ZNF730: variants seen among roughly 807,000 people sequenced by gnomAD.
ZNF730 encodes the protein putative zinc finger protein 730.
Under a neutral mutation model 12.6 loss-of-function variants are expected in ZNF730, and 12 were observed. The ratio of observed to expected loss-of-function variants is 0.95; its 90% CI spans 0.61 to 1.54. The LOEUF is 1.54. ZNF730 is among the 40% of genes most tolerant of loss of function. The probability of loss-of-function intolerance (pLI) is 0.00; values close to 1 mark genes in which losing one functional copy is unlikely to be tolerated. For synonymous variants in ZNF730, 194 were observed against 195.8 expected, an observed-to-expected ratio of 0.99 and a Z score of 0.08; for missense variants, 643 against 583.5, an observed-to-expected ratio of 1.10 and a Z score of -1.05.
upstream of ZNF730, among the ~76,000 whole-genome samples, chr19:23,112,937 C>G (rs1970475516): frequency 6.6e-6 from 1 of 152,124 alleles, no homozygotes; most frequent in Admixed American, 6.5e-5. Flanking sequence ...CTTTTTTCCC[C>G]CTGGTTTAGA....
At chr19:23,143,360 T>G (rs1003117494) in intron 3 of ZNF730, among the ~76,000 whole-genome samples, 1 of 152,230 alleles carries the variant, frequency 6.6e-6, no homozygotes, top group Non-Finnish European at 1.5e-5. Flanking sequence ...GTTGCTACCA[T>G]CTTTTTATGT....
At chr19:23,126,661 G>GTTTTTT in intron 1 of ZNF730, 11 of 412,390 alleles carry the variant, frequency 2.7e-5, no homozygotes, top group Non-Finnish European at 4.3e-5. Flanking sequence ...AGTTCCACTA[G>GTTTTTT]TTTTTTTTTT....
intron 1 of ZNF730, among the ~76,000 whole-genome samples, chr19:23,131,172 T>A (rs752462212): frequency 1.1e-4 from 17 of 152,348 alleles, no homozygotes; most frequent in Non-Finnish European, 2.4e-4. Context: ...AATAAAAATT[T>A]CTGTAAATTA....
Position 23,146,906 on chromosome 19 carries a change from G to A in ZNF730, c.*350G>A. 3.8e-6 allele frequency: 2 copies of A among 520,776 alleles called. No homozygotes were observed. The highest frequency in any genetic ancestry group is 3.3e-5 in the Admixed American group (1 of 30,406). 32.3% of individuals were successfully genotyped at this position (520,776 alleles called of 1,614,324 possible). ...CTCTACAAACCTGAAAGTTTTAACA[G>A]TGCTTTTGACAACACCTCAAACTTT... is the stretch of plus-strand genomic sequence containing the variant. On this transcript the variant is annotated 3_prime_UTR_variant, in exon 4 of 4. Coordinates refer to ENST00000597761, the MANE Select transcript of ZNF730 (RefSeq NM_001277403.2).
At chr19:23,127,797 G>C in intron 1 of ZNF730, 1 of 739,452 alleles carries the variant, frequency 1.4e-6, no homozygotes, top group Non-Finnish European at 2.4e-6. Flanking sequence ...TTCCATCCTG[G>C]CTGCTCCACA....
rs183193771 is a variant in ZNF730 at position 23,146,352 on chromosome 19, C to T, written c.1308C>T (p.Ser436=). 9.4e-5 allele frequency: 151 copies of T among 1,613,260 alleles called. No homozygotes were observed. The African/African-American group carries it at 1.8e-3, about 19-fold the overall frequency. Residue 436 remains serine (S), a synonymous_variant, in exon 4 of 4, where the codon TCC becomes TCT. Transcript: ENST00000597761. ...CEECGRAFNQ[S]STLTTHKRIH... is the part of the protein sequence containing the mutation. Reference sequence around the variant, plus strand: ...AATGTGGCAGAGCTTTCAACCAGTCCTCAACCCTTACTACACATAAAAGAA... The same window carrying T: ...AATGTGGCAGAGCTTTCAACCAGTCTTCAACCCTTACTACACATAAAAGAA...
At chr19:23,077,273 A>G (rs1969878930) in intron 1 of ZNF730, among the ~76,000 whole-genome samples, 1 of 152,056 alleles carries the variant, frequency 6.6e-6, no homozygotes, top group African/African-American at 2.4e-5. Flanking sequence ...AAACCCCCAT[A>G]ACACACCTAT....
chr19:23,135,897 G>A, intron 2 of ZNF730, 51 bp from the exon 3 acceptor site: 2 of 1,480,648 alleles, frequency 1.4e-6, no homozygotes, highest in Non-Finnish European at 1.9e-6. Flanking sequence ...GCATTACTAA[G>A]TTGGTAATTG....
chr19:23,112,045 C>G (rs1269943094), upstream of ZNF730, among the ~76,000 whole-genome samples: 1 of 145,346 alleles, frequency 6.9e-6, no homozygotes, highest in Admixed American at 7.0e-5. Flanking sequence ...ACAGTAAAAC[C>G]CTTTATTATC....
intron 1 of ZNF730, among the ~76,000 whole-genome samples, chr19:23,084,794 A>AT (rs372047395): frequency 0.017 from 2,604 of 152,268 alleles, 59 homozygotes; most frequent in African/African-American, 0.057. Context: ...ACATGATCTC[A>AT]TTCTTTTTTA....
At chr19:23,139,598 C>T (rs112821569) in intron 3 of ZNF730, among the ~76,000 whole-genome samples, 1,910 of 152,222 alleles carry the variant, frequency 0.013, 40 homozygotes, top group African/African-American at 0.042. Flanking sequence ...GATCTCGGCT[C>T]CCTGCAACAT....
chr19:23,145,498 A>G lies in ZNF730; in HGVS notation c.454A>G (p.Lys152Glu). 1 of 1,563,904 alleles carries G rather than the reference A, an allele frequency of 6.4e-7. No homozygotes were observed. Among genetic ancestry groups the G allele is most frequent in the Non-Finnish European group, 8.7e-7 (1 of 1,155,174 alleles). The change falls in exon 4 of 4, where the codon AAA becomes GAA. Residue 152 changes from lysine (K) to glutamate (E), a missense_variant. Coordinates refer to ENST00000597761, the MANE Select transcript of ZNF730 (RefSeq NM_001277403.2). ...AATATTTCAGTGTGACAAATATGTG[A>G]AAGTCTTTCATAAATTTTCAAATTC... is the stretch of plus-strand genomic sequence containing the variant. ...SKIFQCDKYV[K>E]VFHKFSNSNR...
rs1308770972 is a variant in ZNF730, at chr19:23,117,189, G to A, written c.3+13G>A. 2 of 1,613,956 alleles carry A rather than the reference G, an allele frequency of 1.2e-6. No individual in the cohort carries two copies. Among genetic ancestry groups the A allele is most frequent in the Non-Finnish European group, 1.7e-6 (2 of 1,179,858 alleles). On this transcript the variant is annotated intron_variant, in intron 1 of 3. Transcript: ENST00000597761. ...AAGCCTAGAAATGGTGAGAGTGCCG[G>A]TCCGACATCCCGAGAGAGGGAACGG...
intron 3 of ZNF730, among the ~76,000 whole-genome samples, chr19:23,137,203 A>G (rs1474001292): frequency 6.6e-6 from 1 of 152,102 alleles, no homozygotes; most frequent in African/African-American, 2.4e-5. Context: ...CACTGCAACA[A>G]TATTTATTCT....
chr19:23,092,422 C>T (rs1183711357), intron 1 of ZNF730, among the ~76,000 whole-genome samples: 1 of 150,114 alleles, frequency 6.7e-6, no homozygotes, highest in Non-Finnish European at 1.5e-5. Context: ...TGGAGAAGCC[C>T]CATCTCTCTT....
rs1287532000 is a variant in ZNF730 at position 23,145,446 on chromosome 19, C to T, written c.402C>T (p.Asn134=). 4 of 1,575,658 alleles carry T rather than the reference C, an allele frequency of 2.5e-6. No individual in the cohort carries two copies. The East Asian group carries it at 7.0e-5, about 27-fold the overall frequency. ...KMHKKGYNRH[N]QCLTTSHSKI... is the part of the protein sequence containing the mutation. ...ACAAAAAAGGTTATAATAGACATAACCAGTGTTTGACAACTTCCCATAGCA... is the reference window on the plus strand; with the variant it reads ...ACAAAAAAGGTTATAATAGACATAATCAGTGTTTGACAACTTCCCATAGCA... Residue 134 remains asparagine, a synonymous_variant, in exon 4 of 4, where the codon AAC becomes AAT. Coordinates refer to ENST00000597761, the MANE Select transcript of ZNF730 (RefSeq NM_001277403.2).
chr19:23,098,649 C>T (rs904352822), intron 1 of ZNF730, among the ~76,000 whole-genome samples: 19 of 152,086 alleles, frequency 1.2e-4, no homozygotes, highest in Admixed American at 6.5e-5. Flanking sequence ...GTCTCTCCTA[C>T]GTGTGCATTA....
rs1336049738 is a variant in ZNF730, at chr19:23,145,260, A to G, written c.227-11A>G. The stretch of plus-strand genomic sequence containing the variant: ...GTACATGCAGTAATTTGTTATTTTT[A>G]TTTCTTTCAGTTATATGTTCTCATA... On this transcript the variant is annotated splice_polypyrimidine_tract_variant and intron_variant, in intron 3 of 3. Coordinates refer to ENST00000597761, the MANE Select transcript of ZNF730 (RefSeq NM_001277403.2). The G allele has an allele frequency of 6.8e-7, 1 of 1,474,146 alleles. No homozygotes were observed. The highest frequency in any genetic ancestry group is 9.0e-7 in the Non-Finnish European group (1 of 1,114,382). The allele number at this position is 1,474,146 out of a possible 1,614,324, so 91.3% of individuals were successfully genotyped here. A position where few individuals can be genotyped will look rare whatever the true frequency, so the allele number is the denominator to read the frequency against.
At chr19:23,092,879 T>C (rs1970180235) in intron 1 of ZNF730, among the ~76,000 whole-genome samples, 1 of 152,238 alleles carries the variant, frequency 6.6e-6, no homozygotes, top group African/African-American at 2.4e-5. Context: ...CAAAGATACT[T>C]ACCTGAAGCT....
Sources: allele counts gnomAD v4.1 joint callset (sites outside exome capture counted in the v4.1 genomes callset), GRCh38; gene constraint gnomAD v4.1.1; transcripts MANE v1.5; gene names NCBI Gene and HGNC (gene_info 2026-07-23, HGNC 2026-07-21).